Variants in MAN1C1 observed in about 807,000 individuals in gnomAD.
MAN1C1 encodes the protein mannosidase alpha class 1C member 1.
MAN1C1 carries 49 observed loss-of-function variants against 71.5 expected under a neutral mutation model. The observed-to-expected ratio is 0.69, with a 90% CI of 0.54 to 0.87. The LOEUF is 0.87. Ranked by LOEUF, MAN1C1 falls within the 40% of genes least tolerant of loss-of-function variation. The pLI, the probability that MAN1C1 is intolerant of heterozygous loss-of-function variation, is 0.00. For synonymous variants in MAN1C1, 352 were observed against 343.7 expected, an observed-to-expected ratio of 1.02 and a Z score of -0.27; for missense variants, 743 against 835.0, an observed-to-expected ratio of 0.89 and a Z score of 1.36.
At chr1:25,694,286 T>C (rs1262734156) in intron 2 of MAN1C1, among the ~76,000 whole-genome samples, 2 of 152,192 alleles carry the variant, frequency 1.3e-5, no homozygotes, top group Admixed American at 6.5e-5. Context: ...AGATCTGATG[T>C]TCAGGCCTCT....
chr1:25,700,410 G>A (rs569157225), intron 2 of MAN1C1, among the ~76,000 whole-genome samples: 1 of 152,342 alleles, frequency 6.6e-6, no homozygotes, highest in African/African-American at 2.4e-5. Context: ...GACAGTGCTT[G>A]GGGACATGGA....
intron 1 of MAN1C1, among the ~76,000 whole-genome samples, chr1:25,657,108 A>G (rs556925745): frequency 5.3e-5 from 8 of 152,286 alleles, no homozygotes; most frequent in African/African-American, 1.7e-4. Context: ...TACAGGCGTG[A>G]GCCACCGCGC....
intron 5 of MAN1C1, among the ~76,000 whole-genome samples, chr1:25,754,279 G>C (rs1009589): frequency 0.53 from 80,860 of 151,982 alleles, 24,036 homozygotes; most frequent in Middle Eastern, 0.78. Context: ...TCATCTCAGG[G>C]CTCTCAAACC....
intron 1 of MAN1C1, among the ~76,000 whole-genome samples, chr1:25,647,915 C>T (rs563467392): frequency 2.6e-5 from 4 of 152,238 alleles, no homozygotes; most frequent in African/African-American, 4.8e-5. Context: ...GAAAGGCTGA[C>T]GTTAAAGCCT....
At chr1:25,685,936 A>G (rs972238037) in intron 1 of MAN1C1, among the ~76,000 whole-genome samples, 11 of 152,228 alleles carry the variant, frequency 7.2e-5, no homozygotes, top group African/African-American at 2.7e-4. Flanking sequence ...CTTTGGAGCC[A>G]GAGGGGATGG....
chr1:25,621,921 G>A (rs942982132), intron 1 of MAN1C1, among the ~76,000 whole-genome samples: 1 of 152,126 alleles, frequency 6.6e-6, no homozygotes, highest in African/African-American at 2.4e-5. Context: ...GAGCCACCGC[G>A]CCTGGCCAGT....
chr1:25,698,963 A>C (rs901327519), intron 2 of MAN1C1, among the ~76,000 whole-genome samples: 20 of 150,720 alleles, frequency 1.3e-4, no homozygotes, highest in Non-Finnish European at 2.7e-4. Flanking sequence ...AAAAAAAAAA[A>C]AGCTTCTTGG....
At chr1:25,783,401 G>A (rs190390567) in intron 11 of MAN1C1, among the ~76,000 whole-genome samples, 21 of 152,320 alleles carry the variant, frequency 1.4e-4, no homozygotes, top group Admixed American at 5.2e-4. Context: ...ATACAGGGCC[G>A]GGCAGGTGAA....
chr1:25,627,835 C>T (rs2045321095), intron 1 of MAN1C1, among the ~76,000 whole-genome samples: 1 of 150,174 alleles, frequency 6.7e-6, no homozygotes. Context: ...GAGTTCCAGA[C>T]CAGCCTGGGC....
intron 2 of MAN1C1, among the ~76,000 whole-genome samples, chr1:25,733,966 A>G (rs1485165576): frequency 2.0e-5 from 3 of 151,470 alleles, no homozygotes; most frequent in Non-Finnish European, 4.4e-5. Context: ...CGCCCGGCTA[A>G]TTTTTTATAT....
intron 1 of MAN1C1, among the ~76,000 whole-genome samples, chr1:25,683,527 G>C (rs576954541): frequency 6.6e-6 from 1 of 152,270 alleles, no homozygotes; most frequent in African/African-American, 2.4e-5. Context: ...AGATATAAAA[G>C]CTTGACTGCA....
chr1:25,781,536 C>T lies in MAN1C1; in HGVS notation c.1650+424C>T, dbSNP rs573736964. ...GGCAGCCCAGCCTGAGGGACCCCCC[C>T]ACCCTAGTCTCTACTGGCCCTTGAG... On this transcript the variant is annotated intron_variant, in intron 10 of 11. Coordinates refer to ENST00000374332, the MANE Select transcript of MAN1C1 (RefSeq NM_020379.4). Among the ~76,000 whole-genome samples, 116 of 152,306 alleles carry T rather than the reference C, an allele frequency of 7.6e-4. 1 individual carries two copies. Among genetic ancestry groups the T allele is most frequent in the African/African-American group, 2.6e-3 (110 of 41,576 alleles).
At chr1:25,673,061 AAGG>A (rs1309942797) in intron 1 of MAN1C1, among the ~76,000 whole-genome samples, 1 of 152,104 alleles carries the variant, frequency 6.6e-6, no homozygotes, top group Non-Finnish European at 1.5e-5. Context: ...GGGAGGGGGA[AAGG>A]AGGTGAGTCA....
At chr1:25,682,004 T>C (rs1319409380) in intron 1 of MAN1C1, among the ~76,000 whole-genome samples, 1 of 151,538 alleles carries the variant, frequency 6.6e-6, no homozygotes, top group Non-Finnish European at 1.5e-5. Context: ...TAGGGCAGAG[T>C]GTCTTTATAT....
intron 7 of MAN1C1, among the ~76,000 whole-genome samples, chr1:25,765,421 G>A (rs1382845418): frequency 6.6e-6 from 1 of 152,274 alleles, no homozygotes. Flanking sequence ...CACCCCCACT[G>A]TCTGTGTGCA....
At chr1:25,731,107 A>C (rs979635146) in intron 2 of MAN1C1, among the ~76,000 whole-genome samples, 1 of 152,244 alleles carries the variant, frequency 6.6e-6, no homozygotes, top group Non-Finnish European at 1.5e-5. Context: ...GCCTGAGCCC[A>C]GGAGTTTGAG....
In MAN1C1 at chr1:25,685,893, G is replaced by C. The variant is rs1242496067; in HGVS notation, c.541-547G>C. 2.6e-5 allele frequency among the ~76,000 whole-genome samples: 4 copies of C among 152,184 alleles called. No homozygotes were observed. In the East Asian group the frequency reaches 7.7e-4, roughly 29 times the overall value. ...AGAGACTCGTATGGTGATTTTAGGG[G>C]ACAAAACCAAGGCTTTGGGGACAGA... On this transcript the variant is annotated intron_variant, in intron 1 of 11. Coordinates refer to ENST00000374332, the MANE Select transcript of MAN1C1 (RefSeq NM_020379.4).
chr1:25,642,671 G>A (rs530400274), intron 1 of MAN1C1, among the ~76,000 whole-genome samples: 1 of 152,324 alleles, frequency 6.6e-6, no homozygotes, highest in South Asian at 2.1e-4. Flanking sequence ...ATACAGCATA[G>A]AAAACACATC....
Position 25,634,936 on chromosome 1 carries a change from GT to G in MAN1C1, c.540+16610del, listed in dbSNP as rs921755192. On this transcript the variant is annotated intron_variant, in intron 1 of 11. Transcript: ENST00000374332. This position sits in a 1 kb window ranked among gnomAD's most constrained non-coding sequence, Gnocchi z 4.6. ...TGTTTATGAGGGATATTGGTCTATA[GT>G]TTTTTTTTTTGTAAATCCTTTGTCT... 2.4e-4 allele frequency among the ~76,000 whole-genome samples: 35 copies of G among 146,446 alleles called. 1 individual carries two copies. Among genetic ancestry groups the G allele is most frequent in the African/African-American group, 6.2e-4 (25 of 40,214 alleles).
Sources: gnomAD v4.1 joint callset for allele counts (sites outside exome capture counted in the v4.1 genomes callset) on GRCh38, gnomAD v4.1.1 for gene constraint, Gnocchi (gnomAD v3.1) non-coding constraint, MANE v1.5 for transcripts, NCBI Gene and HGNC (gene_info 2026-07-23, HGNC 2026-07-21) for gene names.